Variants in TSC22D1 observed in about 807,000 individuals in gnomAD.
TSC22D1 encodes TSC22 domain family member 1, also known as TSC22 domain family protein 1.
TSC22D1 carries 9 observed loss-of-function variants against 74.2 expected under a neutral mutation model. The ratio of observed to expected loss-of-function variants is 0.12; its 90% CI spans 0.07 to 0.21. The LOEUF is 0.21. Ranked by LOEUF, TSC22D1 falls within the 10% of genes least tolerant of loss-of-function variation. The pLI is 1.00. For missense variants in TSC22D1, 1,427 were observed against 1,304.7 expected (o/e 1.09, Z -1.44); for synonymous variants, 586 against 492.5 (o/e 1.19, Z -2.51).
chr13:44,482,290 T>C (rs1878211646), intron 1 of TSC22D1, among the ~76,000 whole-genome samples: 1 of 152,132 alleles, frequency 6.6e-6, no homozygotes, highest in Non-Finnish European at 1.5e-5. Context: ...ATCCAGGCAC[T>C]TCGGGAGGCT....
intron 1 of TSC22D1, among the ~76,000 whole-genome samples, chr13:44,466,035 A>G (rs1877267431): frequency 6.6e-6 from 1 of 152,184 alleles, no homozygotes; most frequent in Non-Finnish European, 1.5e-5. Context: ...AGCAAATAAG[A>G]CTGTTTGTTC....
At chr13:44,450,842 G>A (rs1876069302) in intron 1 of TSC22D1, among the ~76,000 whole-genome samples, 1 of 152,204 alleles carries the variant, frequency 6.6e-6, no homozygotes, top group African/African-American at 2.4e-5. Context: ...AGTCTCCTTG[G>A]GAGTGGATGA....
chr13:44,455,248 A>AT (rs1434721718), intron 1 of TSC22D1, among the ~76,000 whole-genome samples: 5 of 152,178 alleles, frequency 3.3e-5, no homozygotes, highest in Non-Finnish European at 7.4e-5. Context: ...AGATGATGGG[A>AT]TTAGTCATGG....
chr13:44,574,409 A>T lies in TSC22D1; in HGVS notation c.1666T>A (p.Tyr556Asn), dbSNP rs1227121369. 6.2e-7 allele frequency: 1 copy of T among 1,614,122 alleles called. No homozygotes were observed. Among genetic ancestry groups the T allele is most frequent in the African/African-American group, 1.3e-5 (1 of 74,938 alleles). ...QVQLQSQELS[Y>N]QQKQGLQPVP... is the part of the protein sequence containing the mutation. ...GGCTGAAGACCTTGCTTTTGCTGAT[A>T]GCTCAGTTCTTGAGACTGTAATTGT... The change falls in exon 1 of 3, where the codon TAT becomes AAT. Residue 556 changes from tyrosine to asparagine, a missense_variant. Around this residue, in one of 3 missense-constraint regions of TSC22D1, gnomAD observed 1,343 missense variants for 1,191.5 expected, o/e 1.13. Transcript: ENST00000458659.
At chr13:44,568,489 G>A (rs1011145263) in intron 1 of TSC22D1, among the ~76,000 whole-genome samples, 1 of 151,968 alleles carries the variant, frequency 6.6e-6, no homozygotes, top group African/African-American at 2.4e-5. Context: ...CACGGAAAAA[G>A]AATTTTTAAA....
Position 44,434,412 on chromosome 13 carries a change from G to A in TSC22D1, c.*214C>T, listed in dbSNP as rs2138839420. ...TCCCGGTATATCCATGCTAATTCTCGGATTAACCTTTAATTCACCCAACTA... is the reference window on the plus strand; with the variant it reads ...TCCCGGTATATCCATGCTAATTCTCAGATTAACCTTTAATTCACCCAACTA... On this transcript the variant is annotated 3_prime_UTR_variant, in exon 3 of 3. Transcript: ENST00000458659. 7 of 1,353,282 alleles carry A rather than the reference G, an allele frequency of 5.2e-6. No homozygotes were observed. In the South Asian group the frequency reaches 1.5e-4, roughly 28 times the overall value. The allele number at this position is 1,353,282 out of a possible 1,614,324, so 83.8% of individuals were successfully genotyped here. A position where few individuals can be genotyped will look rare whatever the true frequency, so the allele number is the denominator to read the frequency against.
intron 1 of TSC22D1, among the ~76,000 whole-genome samples, chr13:44,519,173 T>C (rs1214900577): frequency 1.3e-5 from 2 of 152,348 alleles, no homozygotes; most frequent in East Asian, 3.9e-4. Flanking sequence ...AACAATATCA[T>C]TGTGATCTTA....
intron 1 of TSC22D1, among the ~76,000 whole-genome samples, chr13:44,540,418 T>C (rs192925564): frequency 6.6e-6 from 1 of 152,310 alleles, no homozygotes; most frequent in East Asian, 1.9e-4. Context: ...TGAGTTCAAG[T>C]CTTCATTAAC....
intron 1 of TSC22D1, among the ~76,000 whole-genome samples, chr13:44,510,731 T>C (rs1436185456): frequency 6.6e-6 from 1 of 152,104 alleles, no homozygotes; most frequent in Non-Finnish European, 1.5e-5. Context: ...TAGCTGGAAC[T>C]ACAGGAATGC....
chr13:44,459,275 G>C (rs993390391), intron 1 of TSC22D1, among the ~76,000 whole-genome samples: 8 of 152,166 alleles, frequency 5.3e-5, no homozygotes, highest in African/African-American at 1.9e-4. Flanking sequence ...CCTGTGGAAA[G>C]GAGCTATCCA....
chr13:44,435,941 G>C, intron 2 of TSC22D1, 103 bp downstream of exon 2: 1 of 1,183,438 alleles, frequency 8.4e-7, no homozygotes, highest in Middle Eastern at 1.9e-4. Flanking sequence ...CGCATCAAGA[G>C]CAATCATCAT....
At position 44,575,200 on chromosome 13, in the gene TSC22D1, T is replaced by C. The variant is rs1352284185; in HGVS notation, c.875A>G (p.Asn292Ser). 1.2e-6 allele frequency: 2 copies of C among 1,614,048 alleles called. No homozygotes were observed. The highest frequency in any genetic ancestry group is 1.7e-6 in the Non-Finnish European group (2 of 1,180,036). Residue 292 changes from asparagine to serine, a missense_variant, in exon 1 of 3, where the codon AAT (asparagine) becomes AGT (serine). Asn to Ser is a conservative substitution (Grantham distance 46). Around this residue, in one of 3 missense-constraint regions of TSC22D1, gnomAD observed 1,343 missense variants for 1,191.5 expected, o/e 1.13. Transcript: ENST00000458659. ...ACCTGTAGTACTTGGAGCACGCATA[T>C]TAGTCATTACAGATGCAGGTGAACC... The part of the protein sequence containing the change: ...SSGSPASVMT[N>S]MRAPSTTGGI...
intron 1 of TSC22D1, among the ~76,000 whole-genome samples, chr13:44,511,972 T>C (rs1178469988): frequency 6.6e-6 from 1 of 152,170 alleles, no homozygotes; most frequent in Admixed American, 6.5e-5. Flanking sequence ...TTCAACCTTC[T>C]GCTTTTCTCA....
intron 1 of TSC22D1, among the ~76,000 whole-genome samples, chr13:44,482,789 TA>T (rs1253386624): frequency 6.6e-6 from 1 of 152,226 alleles, no homozygotes; most frequent in East Asian, 1.9e-4. Context: ...GATAAAAATA[TA>T]GTTATTGAAA....
chr13:44,454,193 T>C (rs1876375791), intron 1 of TSC22D1, among the ~76,000 whole-genome samples: 1 of 152,094 alleles, frequency 6.6e-6, no homozygotes, highest in African/African-American at 2.4e-5. Flanking sequence ...TTTAATACAT[T>C]AGATTGGGGG....
intron 1 of TSC22D1, among the ~76,000 whole-genome samples, chr13:44,527,886 A>G (rs1880627950): frequency 6.6e-6 from 1 of 152,124 alleles, no homozygotes. Context: ...ACTAATCAAA[A>G]CAAAGTGGGA....
chr13:44,446,658 C>T (rs752729069), intron 1 of TSC22D1, among the ~76,000 whole-genome samples: 8 of 150,750 alleles, frequency 5.3e-5, no homozygotes, highest in South Asian at 2.1e-4. Context: ...TTGCTGTACA[C>T]TAAAAAGGCA....
chr13:44,558,817 G>A (rs1461523314), intron 1 of TSC22D1, among the ~76,000 whole-genome samples: 1 of 152,156 alleles, frequency 6.6e-6, no homozygotes. Flanking sequence ...ATTAGGGTGT[G>A]ATATCATGAT....
intron 1 of TSC22D1, among the ~76,000 whole-genome samples, chr13:44,439,432 C>T (rs987598088): frequency 2.6e-5 from 4 of 152,228 alleles, no homozygotes; most frequent in African/African-American, 7.2e-5. Context: ...AAATGGAAAG[C>T]TCCATGGAGG....
Sources: gnomAD v4.1 joint callset for allele counts (sites outside exome capture counted in the v4.1 genomes callset) on GRCh38, gnomAD v4.1.1 for gene constraint, gnomAD v4.1.1 regional missense constraint, MANE v1.5 for transcripts, NCBI Gene and HGNC (gene_info 2026-07-23, HGNC 2026-07-21) for gene names.